The following TLN1 variants were observed in gnomAD, a reference collection of about 807,000 sequenced individuals.
TLN1 encodes talin 1.
In TLN1, 56 loss-of-function variants were observed where a neutral mutation model predicts 292.3. The ratio of observed to expected loss-of-function variants is 0.19; its 90% confidence interval spans 0.15 to 0.24. The LOEUF is 0.24. Ranked by LOEUF, TLN1 falls within the 10% of genes least tolerant of loss-of-function variation. The pLI is 1.00. For missense variants in TLN1, 2,433 were observed against 3,248.2 expected, an observed-to-expected ratio of 0.75 and a Z score of 6.10; for synonymous variants, 1,119 against 1,253.7, an observed-to-expected ratio of 0.89 and a Z score of 2.27.
Position 35,706,053 on chromosome 9 carries a change from A to G in TLN1, c.5420T>C (p.Val1807Ala). 6.2e-7 allele frequency: 1 copy of G among 1,614,146 alleles called. No homozygotes were observed. The highest frequency in any genetic ancestry group is 1.1e-5 in the South Asian group (1 of 91,080). Residue 1807 changes from valine to alanine, a missense_variant, in exon 41 of 57, where the codon GTA becomes GCA. Val to Ala is a moderately conservative substitution (Grantham distance 64). This residue lies in a region of TLN1 where 1,384 missense variants were observed against 1,699.6 expected (regional missense o/e 0.81). Coordinates refer to ENST00000314888, the MANE Select transcript of TLN1 (RefSeq NM_006289.4). The surrounding 1 kb of genome is among the most constrained non-coding windows in gnomAD (Gnocchi z 4.2). Reference sequence around the variant, plus strand: ...GTTGAGGGTTGTTGTCAGGTCCTCTACGGCCTCGGTCATCATCTGCACAGC... The same window carrying G: ...GTTGAGGGTTGTTGTCAGGTCCTCTGCGGCCTCGGTCATCATCTGCACAGC... ...EEAVQMMTEA[V>A]EDLTTTLNEA...
At position 35,698,969 on chromosome 9, in the gene TLN1, G is replaced by C. The variant is rs368060709; in HGVS notation, c.7000-36C>G. ...CGAAGGTTGCAGAAAGAGATGTAAA[G>C]TCAGAGATGAAGGTGGGGACACTGC... On this transcript the variant is annotated intron_variant, in intron 52 of 56. Coordinates refer to ENST00000314888, the MANE Select transcript of TLN1 (RefSeq NM_006289.4). This position sits in a 1 kb window ranked among gnomAD's most constrained non-coding sequence, Gnocchi z 5.3. The C allele has an allele frequency of 5.0e-6, 8 of 1,610,880 alleles. No individual in the cohort carries two copies. Among genetic ancestry groups the C allele is most frequent in the Middle Eastern group, 1.6e-4 (1 of 6,078 alleles).
rs1024983599 is a variant in TLN1, at chr9:35,698,564, A to G, written c.7188+53T>C. ...CCTTGCCCTGGTCCATCCCCACTCC[A>G]GCCTTCTCAAGTCTCTCAAACTGAG... On this transcript the variant is annotated intron_variant, in intron 54 of 56. Transcript: ENST00000314888. The surrounding 1 kb of genome is among the most constrained non-coding windows in gnomAD (Gnocchi z 5.3). 2 of 1,614,002 alleles carry G rather than the reference A, an allele frequency of 1.2e-6. No individual in the cohort carries two copies. Among genetic ancestry groups the G allele is most frequent in the Non-Finnish European group, 1.7e-6 (2 of 1,180,004 alleles).
At position 35,704,671 on chromosome 9, in the gene TLN1, T is replaced by C; in HGVS notation, c.5878A>G (p.Lys1960Glu). Residue 1960 changes from lysine to glutamate, a missense_variant and splice_region_variant, in exon 44 of 57, where the codon AAG (lysine) becomes GAG (glutamate). By Grantham distance (56) the Lys-to-Glu change is moderately conservative. This residue lies in a region of TLN1 where 1,384 missense variants were observed against 1,699.6 expected (regional missense o/e 0.81). Transcript: ENST00000314888. The surrounding 1 kb of genome is among the most constrained non-coding windows in gnomAD (Gnocchi z 6.9). Reference protein sequence around the residue: ...LIECARRVSEKVSHVLAALQA... With the variant: ...LIECARRVSEEVSHVLAALQA... Reference sequence around the variant, plus strand: ...TCTGCAGGGATGAGCACCGTCACCTTCTCAGAGACTCTCCGGGCACACTCT... The same window carrying C: ...TCTGCAGGGATGAGCACCGTCACCTCCTCAGAGACTCTCCGGGCACACTCT... 3 of 1,613,950 alleles carry C rather than the reference T, an allele frequency of 1.9e-6. No individual in the cohort carries two copies. The highest frequency in any genetic ancestry group is 2.5e-6 in the Non-Finnish European group (3 of 1,180,014).
Position 35,697,685 on chromosome 9 carries a change from T to A in TLN1, c.*106A>T. The A allele has an allele frequency of 6.6e-7, 1 of 1,504,562 alleles. No individual in the cohort carries two copies. The highest frequency in any genetic ancestry group is 8.9e-7 in the Non-Finnish European group (1 of 1,117,550). 93.2% of individuals were successfully genotyped at this position (1,504,562 alleles called of 1,614,324 possible). ...AGGCCCTGGGGTTTGGCAGGCACTT[T>A]GGGGAGTGCTGGGGTTGGGCAGGTT... On this transcript the variant is annotated 3_prime_UTR_variant, in exon 57 of 57. Transcript: ENST00000314888.
chr9:35,698,036 A>C lies in TLN1; in HGVS notation c.7500+8T>G. 1 of 1,614,132 alleles carries C rather than the reference A, an allele frequency of 6.2e-7. No individual in the cohort carries two copies. On this transcript the variant is annotated splice_region_variant and intron_variant, in intron 56 of 56. Coordinates refer to ENST00000314888, the MANE Select transcript of TLN1 (RefSeq NM_006289.4). The surrounding 1 kb of genome is among the most constrained non-coding windows in gnomAD (Gnocchi z 5.3). Reference sequence around the variant, plus strand: ...ACAGCGTCCCTCAGCATCTGGGGTGAAGCTCACCTGGGCAATGCCGCCAAC... The same window carrying C: ...ACAGCGTCCCTCAGCATCTGGGGTGCAGCTCACCTGGGCAATGCCGCCAAC...
chr9:35,720,000 A>C lies in TLN1; in HGVS notation c.1464+39T>G. On this transcript the variant is annotated intron_variant, in intron 13 of 56. Transcript: ENST00000314888. This position sits in a 1 kb window ranked among gnomAD's most constrained non-coding sequence, Gnocchi z 4.6. ...CTGGCTCGGCCCAGCTGAGGGTGAGAGAAGGGCCCTGGCACCGTGGTGGAA... is the reference window on the plus strand; with the variant it reads ...CTGGCTCGGCCCAGCTGAGGGTGAGCGAAGGGCCCTGGCACCGTGGTGGAA... 6.3e-7 allele frequency: 1 copy of C among 1,580,450 alleles called. No homozygotes were observed.
chr9:35,728,629 G>A (rs918322073), intron 1 of TLN1, among the ~76,000 whole-genome samples: 3 of 152,132 alleles, frequency 2.0e-5, no homozygotes, highest in Non-Finnish European at 4.4e-5. Context: ...CCCCCACACA[G>A]ATCCCATCAC....
rs371261648 is a variant in TLN1 at position 35,711,828 on chromosome 9, G to A, written c.3682-36C>T. ...AGAGGGGAAGTCAGACAGAAGAGTG[G>A]GGAATGATGCAGGGAGAAGTCTGGT... On this transcript the variant is annotated intron_variant, in intron 28 of 56. Transcript: ENST00000314888. 4.3e-6 allele frequency: 7 copies of A among 1,612,432 alleles called. No individual in the cohort carries two copies. The African/African-American group carries it at 8.0e-5, about 18-fold the overall frequency.
intron 10 of TLN1, among the ~76,000 whole-genome samples, chr9:35,721,136 T>C (rs1825872954): frequency 1.3e-5 from 2 of 152,048 alleles, no homozygotes; most frequent in African/African-American, 4.8e-5. Flanking sequence ...CAAATACATA[T>C]CATTTAGGAA....
At position 35,710,552 on chromosome 9, in the gene TLN1, G is replaced by T. The variant is rs753080702; in HGVS notation, c.4326+9C>A. The T allele has an allele frequency of 4.3e-6, 7 of 1,610,116 alleles. No homozygotes were observed. In the South Asian group the frequency reaches 4.4e-5, roughly 10 times the overall value. ...GGGCCATTCAAAGAACCCATCTCAG[G>T]AAAATAACCTGTGCAGCTGCCTCGG... On this transcript the variant is annotated intron_variant, in intron 33 of 56. Coordinates refer to ENST00000314888, the MANE Select transcript of TLN1 (RefSeq NM_006289.4).
intron 33 of TLN1, 135 bp downstream of exon 33, chr9:35,710,426 G>A (rs977835428): frequency 1.6e-6 from 2 of 1,281,128 alleles, no homozygotes; most frequent in Non-Finnish European, 2.1e-6. Flanking sequence ...CACTTCAGGA[G>A]GAGGACAACC....
chr9:35,717,212 A>G lies in TLN1; in HGVS notation c.2392T>C (p.Tyr798His), dbSNP rs1490611480. The G allele has an allele frequency of 1.2e-6, 2 of 1,614,006 alleles. No homozygotes were observed. The highest frequency in any genetic ancestry group is 1.7e-6 in the Non-Finnish European group (2 of 1,179,862). Residue 798 changes from tyrosine to histidine, a missense_variant, in exon 19 of 57, where the codon TAT becomes CAT. By Grantham distance (83) the Tyr-to-His change is moderately conservative. This residue lies in a region of TLN1 where 617 missense variants were observed against 770.6 expected (regional missense o/e 0.80). Transcript: ENST00000314888. The surrounding 1 kb of genome is among the most constrained non-coding windows in gnomAD (Gnocchi z 4.7). ...AGGATGGTGTCAGTAGCCTGGTCATAACGGCCAGCAGGCCCAGCCCCTGTG... is the reference window on the plus strand; with the variant it reads ...AGGATGGTGTCAGTAGCCTGGTCATGACGGCCAGCAGGCCCAGCCCCTGTG... ...HATGAGPAGR[Y>H]DQATDTILTV...
At position 35,703,586 on chromosome 9, in the gene TLN1, T is replaced by C. The variant is rs1287556766; in HGVS notation, c.6448A>G (p.Thr2150Ala). The change falls in exon 48 of 57, where the codon ACA (threonine) becomes GCA (alanine). Residue 2150 changes from threonine (T) to alanine (A), a missense_variant. Around this residue, in one of 7 missense-constraint regions of TLN1, gnomAD observed 1,384 missense variants for 1,699.6 expected, o/e 0.81. Coordinates refer to ENST00000314888, the MANE Select transcript of TLN1 (RefSeq NM_006289.4). ...TKGTRALEAT[T>A]EHIRQELAVF... ...GCCAGCTCCTGCCGTATGTGTTCTG[T>C]GGTTGCCTCCAGGGCCCGAGTGCCT... 7.4e-6 allele frequency: 12 copies of C among 1,614,198 alleles called. No individual in the cohort carries two copies. Among genetic ancestry groups the C allele is most frequent in the East Asian group, 2.2e-5 (1 of 44,878 alleles).
intron 19 of TLN1, among the ~76,000 whole-genome samples, chr9:35,716,887 C>G (rs1017066604): frequency 3.3e-5 from 5 of 151,320 alleles, no homozygotes; most frequent in Non-Finnish European, 7.4e-5. Context: ...TTTCATGTCA[C>G]TTTCTATATA....
chr9:35,714,426 G>T lies in TLN1; in HGVS notation c.2986-53C>A. The T allele has an allele frequency of 6.3e-7, 1 of 1,580,392 alleles. No individual in the cohort carries two copies. On this transcript the variant is annotated intron_variant, in intron 23 of 56. Transcript: ENST00000314888. This position sits in a 1 kb window ranked among gnomAD's most constrained non-coding sequence, Gnocchi z 4.6. ...GTGTGCCATCCTCCCTCTGGGCTTG[G>T]GTACAAGGACTGATGATGGTCAGGA...
Position 35,699,126 on chromosome 9 carries a change from G to A in TLN1, c.6905C>T (p.Thr2302Ile). The A allele has an allele frequency of 6.2e-7, 1 of 1,613,514 alleles. No individual in the cohort carries two copies. The highest frequency in any genetic ancestry group is 8.5e-7 in the Non-Finnish European group (1 of 1,179,628). The change falls in exon 52 of 57, where the codon ACA (threonine) becomes ATA (isoleucine). Residue 2302 changes from threonine to isoleucine, a missense_variant. Physicochemically the swap from Thr to Ile is moderately conservative, Grantham distance 89. Transcript: ENST00000314888. The surrounding 1 kb of genome is among the most constrained non-coding windows in gnomAD (Gnocchi z 4.0). ...CAGGAGCTCATTCTCAGCAATGACT[G>A]TGGGGTCCTCTGGGTCTACCCATTC... is the stretch of plus-strand genomic sequence containing the variant. ...GTEWVDPEDP[T>I]VIAENELLGA...
Position 35,711,664 on chromosome 9 carries a change from G to A in TLN1, c.3810C>T (p.Ala1270=). 1 of 1,614,180 alleles carries A rather than the reference G, an allele frequency of 6.2e-7. No homozygotes were observed. ...SRGTPQDLAR[A]SGRFGQDFST... ...TGAAGTCCTGTCCAAATCGGCCTGA[G>A]GCTCGAGCCAGGTCCTGAGGGGTTC... Residue 1270 remains alanine (A), a synonymous_variant, in exon 29 of 57, where the codon GCC becomes GCT. Transcript: ENST00000314888.
Position 35,706,964 on chromosome 9 carries a change from C to T in TLN1, c.4956-64G>A. The T allele has an allele frequency of 6.2e-7, 1 of 1,609,124 alleles. No individual in the cohort carries two copies. The highest frequency in any genetic ancestry group is 8.5e-7 in the Non-Finnish European group (1 of 1,177,848). On this transcript the variant is annotated intron_variant, in intron 37 of 56. Transcript: ENST00000314888. This position sits in a 1 kb window ranked among gnomAD's most constrained non-coding sequence, Gnocchi z 4.2. ...CCTACTGCAAGGCCAGCCTATCCTT[C>T]CCCTGTATCCTCCCAACACCATCCC...
intron 8 of TLN1, 74 bp downstream of exon 8, chr9:35,722,787 G>T: frequency 6.7e-7 from 1 of 1,488,056 alleles, no homozygotes; most frequent in African/African-American, 1.4e-5. Context: ...AGGAGGCAGG[G>T]GGCCATTTAG....
Sources: gnomAD v4.1 joint callset for allele counts (sites outside exome capture counted in the v4.1 genomes callset) on GRCh38, gnomAD v4.1.1 for gene constraint, gnomAD v4.1.1 regional missense constraint, Gnocchi (gnomAD v3.1) non-coding constraint, MANE v1.5 for transcripts, NCBI Gene and HGNC (gene_info 2026-07-23, HGNC 2026-07-21) for gene names.